Variants in LPP observed in about 807,000 individuals in gnomAD.
LPP encodes the protein lipoma-preferred partner.
LPP carries 38 observed loss-of-function variants against 60.4 expected under a neutral mutation model. The observed-to-expected ratio is 0.63, with a 90% CI of 0.49 to 0.83. The LOEUF is 0.83. Ranked by LOEUF, LPP falls within the 40% of genes least tolerant of loss-of-function variation. The pLI is 0.00. For synonymous variants in LPP, 328 were observed against 290.8 expected, an observed-to-expected ratio of 1.13 and a Z score of -1.30; for missense variants, 902 against 783.6, an observed-to-expected ratio of 1.15 and a Z score of -1.80.
intron 4 of LPP, among the ~76,000 whole-genome samples, chr3:188,410,979 A>T (rs1230170008): frequency 6.6e-6 from 1 of 152,152 alleles, no homozygotes; most frequent in African/African-American, 2.4e-5. Context: ...GAGAACATAC[A>T]ATATTTGATT....
intron 9 of LPP, among the ~76,000 whole-genome samples, chr3:188,815,617 GAA>G (rs797016921): frequency 6.7e-6 from 1 of 149,648 alleles, no homozygotes; most frequent in Admixed American, 6.6e-5. Context: ...ATTTGTTGGG[GAA>G]AAAAAAAATG....
intron 1 of LPP, among the ~76,000 whole-genome samples, chr3:188,209,473 G>A (rs1488680405): frequency 1.3e-5 from 2 of 152,184 alleles, no homozygotes; most frequent in East Asian, 3.8e-4. Flanking sequence ...GGGATCACAA[G>A]CTCCCAGCCC....
At position 188,369,235 on chromosome 3, in the gene LPP, T is replaced by C. The variant is rs1049288428; in HGVS notation, c.-10+27516T>C. ...GTGATAGCAACAAAAACAGTTCTTA[T>C]GCCTCTGAGTTTCTTGTTTTAGGCA... On this transcript the variant is annotated intron_variant, in intron 3 of 11. Coordinates refer to ENST00000617246, the MANE Select transcript of LPP (RefSeq NM_001375462.1). 7.2e-5 allele frequency among the ~76,000 whole-genome samples: 11 copies of C among 152,272 alleles called. 3 individuals are homozygous for C. Among genetic ancestry groups the C allele is most frequent in the East Asian group, 1.9e-4 (1 of 5,184 alleles).
intron 5 of LPP, among the ~76,000 whole-genome samples, chr3:188,520,276 C>T (rs1818505392): frequency 6.6e-6 from 1 of 152,150 alleles, no homozygotes; most frequent in Non-Finnish European, 1.5e-5. Flanking sequence ...CCTTTGGTGC[C>T]CCACCTCGCA....
intron 1 of LPP, among the ~76,000 whole-genome samples, chr3:188,185,195 C>T (rs1446777228): frequency 1.3e-5 from 2 of 151,550 alleles, no homozygotes; most frequent in Non-Finnish European, 2.9e-5. Flanking sequence ...TGTTAATTTA[C>T]AGCTCTGTGA....
At chr3:188,379,099 T>C (rs1378569167) in intron 3 of LPP, among the ~76,000 whole-genome samples, 1 of 152,042 alleles carries the variant, frequency 6.6e-6, no homozygotes, top group African/African-American at 2.4e-5. Context: ...TCTTTTTTTT[T>C]TTCTTCCTAA....
chr3:188,457,939 T>G (rs1219764324), intron 4 of LPP, among the ~76,000 whole-genome samples: 1 of 152,060 alleles, frequency 6.6e-6, no homozygotes, highest in Non-Finnish European at 1.5e-5. Flanking sequence ...ACAGGATTGA[T>G]GCTATACAAA....
intron 9 of LPP, among the ~76,000 whole-genome samples, chr3:188,856,214 G>C (rs1763797462): frequency 6.6e-6 from 1 of 152,112 alleles, no homozygotes; most frequent in Non-Finnish European, 1.5e-5. Context: ...CACTCTAAAT[G>C]CATGGTATGT....
At chr3:188,620,603 A>G (rs1047738723) in intron 7 of LPP, among the ~76,000 whole-genome samples, 1 of 152,256 alleles carries the variant, frequency 6.6e-6, no homozygotes, top group Non-Finnish European at 1.5e-5. Flanking sequence ...GGCTATTATA[A>G]ATAATGCTTC....
intron 4 of LPP, among the ~76,000 whole-genome samples, chr3:188,462,164 C>A (rs1048467840): frequency 1.3e-5 from 2 of 151,980 alleles, no homozygotes; most frequent in African/African-American, 4.8e-5. Flanking sequence ...TACATGTAGT[C>A]AGTCACTGTG....
At chr3:188,392,160 T>TG (rs1779857566) in intron 3 of LPP, among the ~76,000 whole-genome samples, 1 of 152,208 alleles carries the variant, frequency 6.6e-6, no homozygotes, top group South Asian at 2.1e-4. Context: ...TTACGTTCTA[T>TG]TACATCTCTA....
At chr3:188,831,036 G>A (rs1560267376) in intron 9 of LPP, among the ~76,000 whole-genome samples, 3 of 152,172 alleles carry the variant, frequency 2.0e-5, no homozygotes, top group South Asian at 2.1e-4. Context: ...AATATTTGTA[G>A]CAAAGATCTG....
chr3:188,648,857 G>A (rs923300503), intron 7 of LPP, among the ~76,000 whole-genome samples: 1 of 152,048 alleles, frequency 6.6e-6, no homozygotes, highest in African/African-American at 2.4e-5. Context: ...ATGTTGCTAG[G>A]TTGTATTGGT....
Position 188,609,103 on chromosome 3 carries a change from A to T in LPP, c.430-58A>T. On this transcript the variant is annotated intron_variant, in intron 6 of 11. Transcript: ENST00000617246. The surrounding 1 kb of genome is among the most constrained non-coding windows in gnomAD (Gnocchi z 6.9). ...ATTTTTCATTTATTCATTTTTATTGAGTTTCGTTGGCAGTAATTTTTGCTT... is the reference window on the plus strand; with the variant it reads ...ATTTTTCATTTATTCATTTTTATTGTGTTTCGTTGGCAGTAATTTTTGCTT... 1 of 1,215,670 alleles carries T rather than the reference A, an allele frequency of 8.2e-7. No homozygotes were observed. Among genetic ancestry groups the T allele is most frequent in the Non-Finnish European group, 1.2e-6 (1 of 857,174 alleles). 75.3% of individuals were successfully genotyped at this position (1,215,670 alleles called of 1,614,324 possible).
intron 8 of LPP, among the ~76,000 whole-genome samples, chr3:188,758,136 A>G (rs1332323733): frequency 6.6e-6 from 1 of 151,856 alleles, no homozygotes; most frequent in Non-Finnish European, 1.5e-5. Flanking sequence ...TTAGTTTCCA[A>G]TACTTTAACT....
intron 9 of LPP, among the ~76,000 whole-genome samples, chr3:188,803,789 G>C (rs1304552085): frequency 6.6e-6 from 1 of 152,098 alleles, no homozygotes; most frequent in Non-Finnish European, 1.5e-5. Context: ...GGCTGTTCTA[G>C]TTAGTTCACC....
In LPP at chr3:188,251,002, CT is replaced by C. The variant is rs1426880245; in HGVS notation, c.-67+25476del. Among the ~76,000 whole-genome samples, 283 of 30,194 alleles carry C rather than the reference CT, an allele frequency of 9.4e-3. 8 individuals are homozygous for C. Among genetic ancestry groups the C allele is most frequent in the African/African-American group, 0.03 (251 of 8,442 alleles). The allele number at this position is 30,194 out of a possible 152,430, so 19.8% of individuals were successfully genotyped here. A position where few individuals can be genotyped will look rare whatever the true frequency, so the allele number is the denominator to read the frequency against. ...CCCTCCCCTCCCCTGCCCTCCCCCC[CT>C]GCCCTCCCCCCCGCCCTCCCCCCTT... On this transcript the variant is annotated intron_variant, in intron 2 of 11. Coordinates refer to ENST00000617246, the MANE Select transcript of LPP (RefSeq NM_001375462.1).
intron 6 of LPP, among the ~76,000 whole-genome samples, chr3:188,585,252 C>G (rs1053727790): frequency 6.6e-6 from 1 of 152,154 alleles, no homozygotes. Context: ...CATGTCAATG[C>G]CTTGTTTTTA....
At chr3:188,806,131 G>T (rs1749059335) in intron 9 of LPP, among the ~76,000 whole-genome samples, 2 of 151,818 alleles carry the variant, frequency 1.3e-5, no homozygotes, top group Non-Finnish European at 3.0e-5. Context: ...TATTCTTACT[G>T]ATTTTCTGTC....
Sources: gnomAD v4.1 joint callset for allele counts (sites outside exome capture counted in the v4.1 genomes callset) on GRCh38, gnomAD v4.1.1 for gene constraint, Gnocchi (gnomAD v3.1) non-coding constraint, MANE v1.5 for transcripts, NCBI Gene and HGNC (gene_info 2026-07-23, HGNC 2026-07-21) for gene names.